The following MBP variants were observed in gnomAD, a reference collection of about 807,000 sequenced individuals.
MBP encodes the protein Golli-MBP.
In MBP, 16 loss-of-function variants were observed where a neutral mutation model predicts 35.8. The observed-to-expected ratio is 0.45, with a 90% confidence interval of 0.30 to 0.68. The LOEUF is 0.68. Ranked by LOEUF, MBP falls within the 30% of genes least tolerant of loss-of-function variation. The pLI, the probability that MBP is intolerant of heterozygous loss-of-function variation, is 0.08. For missense variants in MBP, 380 were observed against 404.7 expected (o/e 0.94, Z 0.52); for synonymous variants, 143 against 159.6 (o/e 0.90, Z 0.78).
chr18:77,052,971 T>A (rs1331279149), intron 3 of MBP, among the ~76,000 whole-genome samples: 1 of 152,200 alleles, frequency 6.6e-6, no homozygotes, highest in Non-Finnish European at 1.5e-5. Context: ...GGAACATGGG[T>A]GTGAGTCCAC....
chr18:76,983,182 T>A (rs1969312423), intron 8 of MBP: 1 of 152,206 alleles, frequency 6.6e-6, no homozygotes, highest in Admixed American at 6.5e-5. Context: ...AGCACTCAGC[T>A]CTCCCGGTGT....
intron 4 of MBP, among the ~76,000 whole-genome samples, chr18:77,009,083 G>A (rs998297287): frequency 1.3e-5 from 2 of 152,270 alleles, no homozygotes; most frequent in African/African-American, 4.8e-5. Context: ...TGCAGACGGT[G>A]GTGGCCTGGG....
At position 77,054,180 on chromosome 18, in the gene MBP, G is replaced by A. The variant is rs570563069; in HGVS notation, c.139+12118C>T. 4.6e-5 allele frequency among the ~76,000 whole-genome samples: 7 copies of A among 152,344 alleles called. 1 individual carries two copies. In the South Asian group the frequency reaches 1.2e-3, roughly 27 times the overall value. On this transcript the variant is annotated intron_variant, in intron 3 of 8. Transcript: ENST00000355994. ...TCCCAGGCACACTGGATGGAGAGCC[G>A]CCTGGCCCTCGCTGAGCTATGATGT...
At chr18:77,011,358 T>C (rs184946311) in intron 4 of MBP, among the ~76,000 whole-genome samples, 25 of 152,332 alleles carry the variant, frequency 1.6e-4, no homozygotes, top group African/African-American at 5.1e-4. Flanking sequence ...AAGTGTACGC[T>C]ATGTACAGGG....
At chr18:77,085,816 C>G (rs769378008) in intron 2 of MBP, among the ~76,000 whole-genome samples, 1 of 151,936 alleles carries the variant, frequency 6.6e-6, no homozygotes, top group Non-Finnish European at 1.5e-5. Flanking sequence ...TCCTGAGTAG[C>G]TGGGATTACA....
intron 3 of MBP, among the ~76,000 whole-genome samples, chr18:77,065,255 C>T (rs1974148080): frequency 6.6e-6 from 1 of 152,200 alleles, no homozygotes; most frequent in Non-Finnish European, 1.5e-5. Context: ...GGCATCTGCT[C>T]AGCTTCTGGT....
rs1162921586 is a variant in MBP, at chr18:77,096,466, A to AAG, written c.51+8744_51+8745insCT. Among the ~76,000 whole-genome samples the AAG allele has an allele frequency of 6.3e-5, 3 of 47,918 alleles. No individual in the cohort carries two copies. In the East Asian group the frequency reaches 1.7e-3, roughly 27 times the overall value. The allele number at this position is 47,918 out of a possible 152,430, so 31.4% of individuals were successfully genotyped here. On this transcript the variant is annotated intron_variant, in intron 2 of 8. Coordinates refer to ENST00000355994, the MANE Select transcript of MBP (RefSeq NM_001025101.2). Reference sequence around the variant, plus strand: ...GTTAGATTTGATGTGCAGCTTAAATAAAAAAAAATCAGTTTAATTTGGAAC... The same window carrying AAG: ...GTTAGATTTGATGTGCAGCTTAAATAAGAAAAAAAATCAGTTTAATTTGGAAC...
chr18:77,067,708 C>G, intron 2 of MBP: 1 of 420,870 alleles, frequency 2.4e-6, no homozygotes, highest in Non-Finnish European at 4.8e-6. Context: ...CTCCCTGCAG[C>G]GCCCCACCCT....
At chr18:77,122,021 T>C (rs146842811) in intron 1 of MBP, among the ~76,000 whole-genome samples, 2 of 152,328 alleles carry the variant, frequency 1.3e-5, no homozygotes, top group African/African-American at 4.8e-5. Flanking sequence ...GAATAAATCA[T>C]GCCAGGTCTT....
At chr18:77,042,888 C>T (rs1462482103) in intron 3 of MBP, among the ~76,000 whole-genome samples, 1 of 152,176 alleles carries the variant, frequency 6.6e-6, no homozygotes, top group Admixed American at 6.5e-5. Flanking sequence ...TTTTAAAAAG[C>T]CTCAGGCAAG....
At chr18:76,986,846 G>A (rs1027280082) in intron 7 of MBP, 14 of 985,276 alleles carry the variant, frequency 1.4e-5, no homozygotes, top group African/African-American at 1.7e-5. Context: ...AACAATCTGC[G>A]CGGCCTTTCC....
At chr18:77,026,346 C>G (rs1325310389) in intron 3 of MBP, among the ~76,000 whole-genome samples, 2 of 152,204 alleles carry the variant, frequency 1.3e-5, no homozygotes, top group African/African-American at 4.8e-5. Flanking sequence ...TTCAGGCCAA[C>G]AGAAATGCAT....
rs1392913548 is a variant in MBP, at chr18:77,044,869, C to T, written c.139+21429G>A. Among the ~76,000 whole-genome samples, 1 of 151,466 alleles carries T rather than the reference C, an allele frequency of 6.6e-6. No individual in the cohort carries two copies. Among genetic ancestry groups the T allele is most frequent in the Admixed American group, 6.6e-5 (1 of 15,182 alleles). On this transcript the variant is annotated intron_variant, in intron 3 of 8. Transcript: ENST00000355994. This position sits in a 1 kb window ranked among gnomAD's most constrained non-coding sequence, Gnocchi z 4.4. ...GTGAGGATGACTGTAAGGTTGTTGT[C>T]TGTTGTATCCTGTGTGTAAGTGTGT...
intron 2 of MBP, among the ~76,000 whole-genome samples, chr18:77,095,203 A>T (rs986498632): frequency 2.0e-5 from 3 of 152,242 alleles, no homozygotes; most frequent in African/African-American, 7.2e-5. Context: ...ACACAATCTA[A>T]GAATTTTCCA....
At chr18:77,028,606 G>T (rs1241636595) in intron 3 of MBP, among the ~76,000 whole-genome samples, 6 of 82,246 alleles carry the variant, frequency 7.3e-5, no homozygotes, top group African/African-American at 2.1e-4. Context: ...CGGGGCGGCT[G>T]GCCGGGCGGG....
chr18:76,991,910 G>A (rs192718158), intron 4 of MBP, among the ~76,000 whole-genome samples: 6 of 152,346 alleles, frequency 3.9e-5, no homozygotes, highest in Middle Eastern at 3.4e-3. Context: ...TGAAAAGTGC[G>A]CTTTTCTGGG....
At chr18:77,014,417 G>C (rs1971513174) in intron 4 of MBP, 1 of 985,358 alleles carries the variant, frequency 1.0e-6, no homozygotes, top group Non-Finnish European at 1.2e-6. Context: ...TCTAGATAGG[G>C]AGAAGCAGAA....
At chr18:77,040,831 G>A (rs1281961462) in intron 3 of MBP, among the ~76,000 whole-genome samples, 2 of 152,162 alleles carry the variant, frequency 1.3e-5, no homozygotes, top group Non-Finnish European at 2.9e-5. Flanking sequence ...AAAATTCCTA[G>A]AAGAAAACCT....
chr18:77,053,179 G>A (rs559399), intron 3 of MBP, among the ~76,000 whole-genome samples: 124,191 of 151,788 alleles, frequency 0.82, 50,990 homozygotes, highest in East Asian at 0.94. Flanking sequence ...TTAGTGATAG[G>A]AGCCCTGGCT....
Sources: allele counts gnomAD v4.1 joint callset (sites outside exome capture counted in the v4.1 genomes callset), GRCh38; gene constraint gnomAD v4.1.1; non-coding constraint Gnocchi (gnomAD v3.1); transcripts MANE v1.5; gene names NCBI Gene and HGNC (gene_info 2026-07-23, HGNC 2026-07-21).